GAPVD1: variants seen among roughly 807,000 people sequenced by gnomAD.
GAPVD1 encodes GTPase-activating protein and VPS9 domain-containing protein 1.
Under a neutral mutation model 155.5 loss-of-function variants are expected in GAPVD1, and 35 were observed. That is an observed-to-expected ratio of 0.23 (90% CI 0.17 to 0.30). GAPVD1 has a LOEUF of 0.30. GAPVD1 is among the 10% of genes least tolerant of loss of function. The pLI, the probability that GAPVD1 is intolerant of heterozygous loss-of-function variation, is 1.00. For missense variants in GAPVD1, 1,429 were observed against 1,775.7 expected, an observed-to-expected ratio of 0.80 and a Z score of 3.51; for synonymous variants, 636 against 619.7, an observed-to-expected ratio of 1.03 and a Z score of -0.39.
chr9:125,330,342 G>A lies in GAPVD1; in HGVS notation c.2173+124G>A, dbSNP rs937319349. On this transcript the variant is annotated intron_variant, in intron 13 of 27. Transcript: ENST00000297933. ...CTTTTTTTTTTTTTTTAATGGAGAT[G>A]GAGTCTTGCTCTTTTACCCAGGCTG... The A allele has an allele frequency of 5.2e-6, 3 of 574,032 alleles. No individual in the cohort carries two copies. In the African/African-American group the frequency reaches 5.9e-5, roughly 11 times the overall value. The allele number at this position is 574,032 out of a possible 1,614,324, so 35.6% of individuals were successfully genotyped here.
At chr9:125,337,184 G>A in intron 16 of GAPVD1, 37 bp from the exon 17 acceptor site, 1 of 1,611,402 alleles carries the variant, frequency 6.2e-7, no homozygotes, top group South Asian at 1.1e-5. Flanking sequence ...TAGATATGTT[G>A]TGTCTCAGTT....
Position 125,346,884 on chromosome 9 carries a change from A to G in GAPVD1, c.3112A>G (p.Asn1038Asp). 7.4e-6 allele frequency: 12 copies of G among 1,613,432 alleles called. No individual in the cohort carries two copies. Among genetic ancestry groups the G allele is most frequent in the Non-Finnish European group, 6.8e-6 (8 of 1,179,306 alleles). The change falls in exon 20 of 28, where the codon AAT (asparagine) becomes GAT (aspartate). Residue 1038 changes from asparagine (N) to aspartate (D), a missense_variant. This residue lies in a region of GAPVD1 where 699 missense variants were observed against 826.0 expected (regional missense o/e 0.85). Transcript: ENST00000297933. ...TGAGGATATTCTGGACAAATACAGG[A>G]ATGCCATTAAACGGACCAGCCCCAG... ...VAEDILDKYR[N>D]AIKRTSPSDG...
chr9:125,331,581 G>T (rs1846088693), intron 13 of GAPVD1, among the ~76,000 whole-genome samples: 1 of 152,220 alleles, frequency 6.6e-6, no homozygotes, highest in Admixed American at 6.5e-5. Context: ...CTTACCAGCT[G>T]TTGAGTATTC....
intron 3 of GAPVD1, among the ~76,000 whole-genome samples, chr9:125,297,384 T>C (rs746606911): frequency 2.0e-5 from 3 of 152,204 alleles, no homozygotes; most frequent in Non-Finnish European, 4.4e-5. Context: ...AGTGCTTTTT[T>C]AAAAGGCCAG....
chr9:125,303,776 CA>C (rs11458416), intron 5 of GAPVD1: 96 of 122,906 alleles, frequency 7.8e-4, no homozygotes, highest in Non-Finnish European at 8.4e-4. Flanking sequence ...AACTCCGTCT[CA>C]AAAAAAAAAA....
chr9:125,263,734 CT>C, intron 1 of GAPVD1: 1 of 738,780 alleles, frequency 1.4e-6, no homozygotes, highest in South Asian at 1.4e-5. Flanking sequence ...GTAGGTATGT[CT>C]GTCAGCTTCC....
chr9:125,305,371 G>GTTTTTTT (rs34474690), intron 6 of GAPVD1, among the ~76,000 whole-genome samples: 1 of 111,578 alleles, frequency 9.0e-6, no homozygotes, highest in Non-Finnish European at 1.8e-5. Flanking sequence ...ATTTTAAAAA[G>GTTTTTTT]TTTTTTTTTT....
intron 2 of GAPVD1, among the ~76,000 whole-genome samples, chr9:125,290,353 A>G (rs7341815): frequency 0.053 from 8,070 of 152,180 alleles, 654 homozygotes; most frequent in African/African-American, 0.17. Context: ...TTTCTTTAGC[A>G]TTGCTTTTAA....
chr9:125,361,472 C>T (rs573277409), intron 27 of GAPVD1, among the ~76,000 whole-genome samples: 3 of 150,554 alleles, frequency 2.0e-5, no homozygotes, highest in South Asian at 4.2e-4. Flanking sequence ...TGTAGTGAGC[C>T]GAGATCACAC....
chr9:125,269,669 C>G (rs993014359), intron 2 of GAPVD1, among the ~76,000 whole-genome samples: 3 of 149,544 alleles, frequency 2.0e-5, no homozygotes, highest in Non-Finnish European at 3.0e-5. Context: ...TGGTGATCCA[C>G]CCGCTGTGCT....
intron 2 of GAPVD1, among the ~76,000 whole-genome samples, chr9:125,288,607 G>GC (rs372411621): frequency 2.6e-5 from 4 of 151,760 alleles, no homozygotes; most frequent in Admixed American, 6.6e-5. Flanking sequence ...GAATTCTTGG[G>GC]CTCACATGAT....
At chr9:125,320,480 G>A (rs78505694) in intron 9 of GAPVD1, among the ~76,000 whole-genome samples, 1,963 of 152,146 alleles carry the variant, frequency 0.013, 103 homozygotes, top group East Asian at 0.087. Context: ...TCAAGTGGAC[G>A]TTCAGACTAG....
At chr9:125,266,957 T>G (rs1179401107) in intron 1 of GAPVD1, among the ~76,000 whole-genome samples, 2 of 152,160 alleles carry the variant, frequency 1.3e-5, no homozygotes, top group East Asian at 3.9e-4. Context: ...AGATGGGGTT[T>G]CACCATGTTG....
intron 1 of GAPVD1, chr9:125,263,693 A>G: frequency 1.9e-5 from 4 of 208,038 alleles, no homozygotes; most frequent in African/African-American, 9.0e-5. Flanking sequence ...ACAGCACTCC[A>G]TCTGTAGGTA....
chr9:125,325,419 G>T (rs1009650425), intron 11 of GAPVD1, among the ~76,000 whole-genome samples: 3 of 150,718 alleles, frequency 2.0e-5, no homozygotes, highest in African/African-American at 7.3e-5. Flanking sequence ...CTACTCGGGA[G>T]GCTGAGGCAG....
rs754879220 is a variant in GAPVD1, at chr9:125,299,031, C to T, written c.110C>T (p.Thr37Ile). 54 of 1,611,982 alleles carry T rather than the reference C, an allele frequency of 3.3e-5. No homozygotes were observed. The highest frequency in any genetic ancestry group is 4.5e-5 in the Non-Finnish European group (53 of 1,178,266). ...AGGCTCAATGCAGATGTACTTAAGA[C>T]AGCTGAAAAGTTGTATCGTACAGCA... ...IQRLNADVLK[T>I]AEKLYRTAWI... is the part of the protein sequence containing the mutation. The change falls in exon 4 of 28, where the codon ACA becomes ATA. Residue 37 changes from threonine to isoleucine, a missense_variant. This residue lies in a region of GAPVD1 where 628 missense variants were observed against 733.4 expected (regional missense o/e 0.86). Transcript: ENST00000297933.
intron 24 of GAPVD1, 45 bp from the exon 25 acceptor site, chr9:125,355,595 TTAGA>T (rs762831321): frequency 5.5e-6 from 6 of 1,089,776 alleles, no homozygotes; most frequent in Middle Eastern, 3.1e-4. Context: ...TTAAAATTAT[TTAGA>T]TAGTTTTTAT....
rs537098422 is a variant in GAPVD1 at position 125,360,805 on chromosome 9, A to G, written c.4242+80A>G. 9.8e-6 allele frequency: 10 copies of G among 1,022,568 alleles called. No homozygotes were observed. In the East Asian group the frequency reaches 2.4e-4, roughly 25 times the overall value. 63.3% of individuals were successfully genotyped at this position (1,022,568 alleles called of 1,614,324 possible). A position where few individuals can be genotyped will look rare whatever the true frequency, so the allele number is the denominator to read the frequency against. ...CACAGGGCTTCACACAACCATAGAT[A>G]TCTTGGCTCTTTTCCAAGTCACAAG... On this transcript the variant is annotated intron_variant, in intron 27 of 27. Transcript: ENST00000297933.
chr9:125,293,852 TTATATATATATATATATATATA>T lies in GAPVD1; in HGVS notation c.-149-1575_-149-1554del, dbSNP rs1161661604. Among the ~76,000 whole-genome samples the T allele has an allele frequency of 2.3e-3, 80 of 35,198 alleles. 2 individuals carry two copies. Among genetic ancestry groups the T allele is most frequent in the Middle Eastern group, 0.014 (1 of 74 alleles). 23.1% of individuals were successfully genotyped at this position (35,198 alleles called of 152,430 possible). ...AAAAATATATATATAAAAATATATT[TTATATATATATATATATATATA>T]TATATATATATATATATATATATAT... On this transcript the variant is annotated intron_variant, in intron 2 of 27. Coordinates refer to ENST00000297933, the MANE Select transcript of GAPVD1 (RefSeq NM_001282680.3).
Sources: allele counts gnomAD v4.1 joint callset (sites outside exome capture counted in the v4.1 genomes callset), GRCh38; gene constraint gnomAD v4.1.1; regional missense constraint gnomAD v4.1.1; transcripts MANE v1.5; gene names NCBI Gene and HGNC (gene_info 2026-07-23, HGNC 2026-07-21).